GNPTG: variants seen among roughly 807,000 people sequenced by gnomAD.
The protein encoded by GNPTG is N-acetylglucosamine-1-phosphotransferase subunit gamma.
A neutral mutation model predicts 43.8 loss-of-function variants in GNPTG; 46 were observed. The ratio of observed to expected loss-of-function variants is 1.05; its 90% CI spans 0.83 to 1.34. The LOEUF (loss-of-function observed/expected upper bound fraction) is 1.34, where lower values mean the gene tolerates loss of function less well. Among genes scored for constraint, GNPTG ranks in the 40% most tolerant of loss-of-function variants. GNPTG has a pLI of 0.00. For synonymous variants in GNPTG, 250 were observed against 172.8 expected (o/e 1.45, Z -3.50); for missense variants, 549 against 411.3 (o/e 1.33, Z -2.90).
Position 1,362,399 on chromosome 16 carries a change from G to T in GNPTG, c.527-53G>T, listed in dbSNP as rs576693410. The stretch of plus-strand genomic sequence containing the variant: ...TGCTGGAGGCCCTGTAGTGCTGGGG[G>T]CCAGGGTTGGGACATGGGGTGCAGC... On this transcript the variant is annotated intron_variant, in intron 7 of 10. Transcript: ENST00000204679. 1.9e-4 allele frequency: 299 copies of T among 1,611,034 alleles called. No homozygotes were observed. The African/African-American group carries it at 3.6e-3, about 19-fold the overall frequency.
In GNPTG at chr16:1,352,009, C is replaced by T; in HGVS notation, c.44C>T (p.Ser15Leu). The T allele has an allele frequency of 2.1e-6, 3 of 1,461,790 alleles. No homozygotes were observed. The highest frequency in any genetic ancestry group is 1.8e-6 in the Non-Finnish European group (2 of 1,112,118). The allele number at this position is 1,461,790 out of a possible 1,614,324, so 90.6% of individuals were successfully genotyped here. The change falls in exon 1 of 11, where the codon TCG (serine) becomes TTG (leucine). Residue 15 changes from serine (S) to leucine (L), a missense_variant. Coordinates refer to ENST00000204679, the MANE Select transcript of GNPTG (RefSeq NM_032520.5). ...LARLLLLLGLSAGGPAPAGAA... is the reference protein window; with the variant it reads ...LARLLLLLGLLAGGPAPAGAA... The stretch of plus-strand genomic sequence containing the variant: ...CGGCTCCTGTTGCTCCTCGGGCTCT[C>T]GGCCGGCGGTGAGTGGCCCGGCCGT...
chr16:1,363,235 C>CTGAT lies in GNPTG; in HGVS notation c.*145_*148dup. ...TTCAAGGTTTTAATTAATTCCCATA[C>CTGAT]TGATAAAAATAACTCCATGAATTCT... On this transcript the variant is annotated 3_prime_UTR_variant, in exon 11 of 11. Transcript: ENST00000204679. The CTGAT allele has an allele frequency of 1.4e-6, 1 of 724,542 alleles. No individual in the cohort carries two copies. Among genetic ancestry groups the CTGAT allele is most frequent in the Non-Finnish European group, 2.4e-6 (1 of 413,788 alleles). The allele number at this position is 724,542 out of a possible 1,614,324, so 44.9% of individuals were successfully genotyped here.
At position 1,363,551 on chromosome 16, in the gene GNPTG, A is replaced by G. The variant is rs2035001290; in HGVS notation, c.*460A>G. The G allele has an allele frequency of 4.3e-6, 1 of 234,770 alleles. No individual in the cohort carries two copies. Among genetic ancestry groups the G allele is most frequent in the Non-Finnish European group, 8.6e-6 (1 of 116,086 alleles). The allele number at this position is 234,770 out of a possible 1,614,324, so 14.5% of individuals were successfully genotyped here. A position where few individuals can be genotyped will look rare whatever the true frequency, so the allele number is the denominator to read the frequency against. On this transcript the variant is annotated 3_prime_UTR_variant, in exon 11 of 11. Transcript: ENST00000204679. ...GTTACAGACGACAGGCAACAAGAAC[A>G]TGCAGAGCCGGCCGCCAGCCAGCTC...
At position 1,363,231 on chromosome 16, in the gene GNPTG, C is replaced by T. The variant is rs1317480750; in HGVS notation, c.*140C>T. The T allele has an allele frequency of 5.5e-6, 4 of 731,466 alleles. No homozygotes were observed. Among genetic ancestry groups the T allele is most frequent in the Non-Finnish European group, 9.5e-6 (4 of 419,536 alleles). 45.3% of individuals were successfully genotyped at this position (731,466 alleles called of 1,614,324 possible). A position where few individuals can be genotyped will look rare whatever the true frequency, so the allele number is the denominator to read the frequency against. ...AAGATTCAAGGTTTTAATTAATTCC[C>T]ATACTGATAAAAATAACTCCATGAA... is the stretch of plus-strand genomic sequence containing the variant. On this transcript the variant is annotated 3_prime_UTR_variant, in exon 11 of 11. Transcript: ENST00000204679.
chr16:1,358,707 G>A (rs113297229), intron 3 of GNPTG, among the ~76,000 whole-genome samples: 1 of 152,218 alleles, frequency 6.6e-6, no homozygotes, highest in African/African-American at 2.4e-5. Context: ...ATTCCAGCCA[G>A]CATTGCACGA....
intron 3 of GNPTG, among the ~76,000 whole-genome samples, chr16:1,353,227 T>C (rs1195743252): frequency 1.3e-5 from 2 of 152,214 alleles, no homozygotes; most frequent in Non-Finnish European, 2.9e-5. Context: ...TCCGCCCATC[T>C]CGGCCTCCAA....
At chr16:1,359,011 G>C (rs896277408) in intron 3 of GNPTG, 3 of 151,672 alleles carry the variant, frequency 2.0e-5, no homozygotes, top group Non-Finnish European at 4.4e-5. Context: ...ACAGGCGTGA[G>C]CCACCACACC....
In GNPTG at chr16:1,363,869, T is replaced by TC. The variant is rs1383083536; in HGVS notation, c.*784dup. ...AGGTGCCACCTCCATCTCCCAGCTG[T>TC]CCCCCCACCCCTGGGGCTCCCCAGC... On this transcript the variant is annotated 3_prime_UTR_variant, in exon 11 of 11. Coordinates refer to ENST00000204679, the MANE Select transcript of GNPTG (RefSeq NM_032520.5). 2.0e-5 allele frequency: 3 copies of TC among 151,776 alleles called. No homozygotes were observed. The highest frequency in any genetic ancestry group is 2.4e-5 in the African/African-American group (1 of 41,232). The allele number at this position is 151,776 out of a possible 1,614,324, so 9.4% of individuals were successfully genotyped here. A position where few individuals can be genotyped will look rare whatever the true frequency, so the allele number is the denominator to read the frequency against.
intron 3 of GNPTG, 43 bp from the exon 4 acceptor site, chr16:1,361,700 T>G: frequency 6.2e-7 from 1 of 1,606,860 alleles, no homozygotes; most frequent in Non-Finnish European, 8.5e-7. Context: ...TGCAGACAGG[T>G]TCTGTGCTTG....
rs748444543 is a variant in GNPTG at position 1,362,309 on chromosome 16, A to C, written c.515A>C (p.His172Pro). The C allele has an allele frequency of 6.2e-7, 1 of 1,612,796 alleles. No homozygotes were observed. Among genetic ancestry groups the C allele is most frequent in the South Asian group, 1.1e-5 (1 of 91,056 alleles). ...TFETPLVCHP[H>P]ALLVYPTLPE... The stretch of plus-strand genomic sequence containing the variant: ...GAGACCCCCCTCGTCTGCCACCCCC[A>C]CGCCTTGCTAGGTAGGGGTGCGGGA... Residue 172 changes from histidine (H) to proline (P), a missense_variant, in exon 7 of 11, where the codon CAC (histidine) becomes CCC (proline). Physicochemically the swap from His to Pro is moderately conservative, Grantham distance 77. Transcript: ENST00000204679.
chr16:1,353,009 G>A (rs550133377), intron 3 of GNPTG, among the ~76,000 whole-genome samples: 13 of 135,850 alleles, frequency 9.6e-5, no homozygotes, highest in Non-Finnish European at 1.7e-4. Context: ...TCGCTCTGTC[G>A]CCCAGGCTGG....
chr16:1,358,619 G>A (rs976776026), intron 3 of GNPTG, among the ~76,000 whole-genome samples: 29 of 152,112 alleles, frequency 1.9e-4, no homozygotes, highest in African/African-American at 7.0e-4. Flanking sequence ...GAGTAGCTTT[G>A]CTGGATCTTA....
At chr16:1,359,295 C>CTA (rs2034830744) in intron 3 of GNPTG, among the ~76,000 whole-genome samples, 2 of 151,842 alleles carry the variant, frequency 1.3e-5, no homozygotes, top group African/African-American at 4.8e-5. Flanking sequence ...CATATAGAGT[C>CTA]TAACTCTGTA....
intron 3 of GNPTG, 41 bp downstream of exon 3, chr16:1,352,347 G>A (rs1329520263): frequency 3.9e-6 from 6 of 1,539,932 alleles, no homozygotes; most frequent in Non-Finnish European, 5.3e-6. Flanking sequence ...GGGTGGCCGC[G>A]GGGAGCAGCA....
chr16:1,363,182 G>A lies in GNPTG; in HGVS notation c.*91G>A. On this transcript the variant is annotated 3_prime_UTR_variant, in exon 11 of 11. Coordinates refer to ENST00000204679, the MANE Select transcript of GNPTG (RefSeq NM_032520.5). The stretch of plus-strand genomic sequence containing the variant: ...CCGCAGGGACCAGCTGACCAGGCTT[G>A]TGCTCAGAGAAGCAGACAAAACAAA... 9.2e-7 allele frequency: 1 copy of A among 1,092,318 alleles called. No homozygotes were observed. Among genetic ancestry groups the A allele is most frequent in the Non-Finnish European group, 1.4e-6 (1 of 728,862 alleles). 67.7% of individuals were successfully genotyped at this position (1,092,318 alleles called of 1,614,324 possible).
intron 3 of GNPTG, among the ~76,000 whole-genome samples, chr16:1,357,137 G>A (rs922664250): frequency 2.6e-5 from 4 of 152,182 alleles, no homozygotes; most frequent in African/African-American, 7.2e-5. Flanking sequence ...AGCCCCCAGC[G>A]GTCAGGCTGG....
chr16:1,362,787 A>C (rs2034933930), intron 9 of GNPTG, 38 bp from the exon 10 acceptor site: 1 of 1,614,096 alleles, frequency 6.2e-7, no homozygotes, highest in South Asian at 1.1e-5. Context: ...GCCCTCCAGC[A>C]CCTGGGCTTT....
intron 3 of GNPTG, among the ~76,000 whole-genome samples, chr16:1,355,795 C>T (rs918207608): frequency 2.0e-5 from 3 of 151,968 alleles, no homozygotes; most frequent in Admixed American, 1.3e-4. Context: ...AGAGTGGCCC[C>T]GGGATCCTGG....
intron 3 of GNPTG, among the ~76,000 whole-genome samples, chr16:1,355,362 T>A (rs1269408403): frequency 6.6e-6 from 1 of 152,118 alleles, no homozygotes; most frequent in Non-Finnish European, 1.5e-5. Flanking sequence ...AGAAAGATAA[T>A]CAGGCTGAGA....
Sources: gnomAD v4.1 joint callset for allele counts (sites outside exome capture counted in the v4.1 genomes callset) on GRCh38, gnomAD v4.1.1 for gene constraint, MANE v1.5 for transcripts, NCBI Gene and HGNC (gene_info 2026-07-23, HGNC 2026-07-21) for gene names.